Variants in SMURF2 observed in about 807,000 individuals in gnomAD.
The protein encoded by SMURF2 is SMAD specific E3 ubiquitin protein ligase 2.
Under a neutral mutation model 109.6 loss-of-function variants are expected in SMURF2, and 48 were observed. The observed-to-expected ratio is 0.44, with a 90% CI of 0.35 to 0.56. The LOEUF is 0.56. SMURF2 is among the 20% of genes least tolerant of loss of function. The probability of loss-of-function intolerance (pLI) is 0.01; values close to 1 mark genes in which losing one functional copy is unlikely to be tolerated. For missense variants in SMURF2, 575 were observed against 909.0 expected (o/e 0.63, Z 4.72); for synonymous variants, 288 against 317.1 (o/e 0.91, Z 0.97).
chr17:64,617,550 G>A (rs569128237), intron 1 of SMURF2, among the ~76,000 whole-genome samples: 3 of 152,086 alleles, frequency 2.0e-5, no homozygotes, highest in South Asian at 2.1e-4. Context: ...GCGCAAACAC[G>A]ACTCACTGCA....
At chr17:64,601,194 T>C (rs1291868942) in intron 2 of SMURF2, among the ~76,000 whole-genome samples, 1 of 152,038 alleles carries the variant, frequency 6.6e-6, no homozygotes, top group Non-Finnish European at 1.5e-5. Flanking sequence ...AGGCCGAGGC[T>C]GCAGTGAGCC....
intron 10 of SMURF2, among the ~76,000 whole-genome samples, chr17:64,569,390 T>G (rs922698801): frequency 7.9e-5 from 12 of 151,716 alleles, no homozygotes; most frequent in African/African-American, 2.7e-4. Context: ...ATTAAAAACA[T>G]TTACTTGTAG....
chr17:64,648,058 TAAAAAAAAAAAAAAAAA>T (rs56131846), intron 1 of SMURF2, among the ~76,000 whole-genome samples: 18 of 17,690 alleles, frequency 1.0e-3, no homozygotes, highest in Admixed American at 5.5e-3. Flanking sequence ...CCCTATCTCT[TAAAAAAAAAAAAAAAAA>T]AAAAAAAAAA....
intron 9 of SMURF2, chr17:64,572,983 C>A (rs1969420037): frequency 6.6e-6 from 1 of 151,586 alleles, no homozygotes; most frequent in Non-Finnish European, 1.5e-5. Context: ...ATGATCAGGT[C>A]ATTTCCTGCC....
At chr17:64,638,067 T>TC (rs1215219725) in intron 1 of SMURF2, among the ~76,000 whole-genome samples, 1 of 137,574 alleles carries the variant, frequency 7.3e-6, no homozygotes, top group East Asian at 2.0e-4. Flanking sequence ...TTTTTCTTTT[T>TC]TTTTTTTTTT....
intron 1 of SMURF2, among the ~76,000 whole-genome samples, chr17:64,614,048 C>T (rs969639080): frequency 2.0e-5 from 3 of 151,812 alleles, no homozygotes; most frequent in Non-Finnish European, 4.4e-5. Flanking sequence ...AATCTATTGC[C>T]GCTGCTGATC....
chr17:64,580,470 T>A (rs187629574), intron 8 of SMURF2, among the ~76,000 whole-genome samples: 167 of 152,346 alleles, frequency 1.1e-3, no homozygotes, highest in African/African-American at 3.8e-3. Flanking sequence ...CCATCTTACC[T>A]TTCTATACAG....
intron 2 of SMURF2, among the ~76,000 whole-genome samples, chr17:64,603,790 A>G (rs1969932521): frequency 6.6e-6 from 1 of 152,168 alleles, no homozygotes; most frequent in Non-Finnish European, 1.5e-5. Flanking sequence ...CATGAGTTAA[A>G]AAAACTTTTC....
intron 9 of SMURF2, among the ~76,000 whole-genome samples, chr17:64,575,481 A>G (rs1555685991): frequency 1.3e-5 from 2 of 152,044 alleles, no homozygotes; most frequent in Non-Finnish European, 2.9e-5. Flanking sequence ...CTAACAGCTT[A>G]TATTGTCAAG....
chr17:64,647,679 T>TAAA (rs782754711), intron 1 of SMURF2, among the ~76,000 whole-genome samples: 23 of 121,638 alleles, frequency 1.9e-4, no homozygotes, highest in Admixed American at 1.1e-3. Context: ...AGACTCTGTC[T>TAAA]AAAAAAAAAA....
At chr17:64,646,450 C>G (rs1236027761) in intron 1 of SMURF2, among the ~76,000 whole-genome samples, 2 of 149,026 alleles carry the variant, frequency 1.3e-5, no homozygotes, top group Non-Finnish European at 1.5e-5. Context: ...GTGGCACCAT[C>G]TCGGCTCACT....
At chr17:64,566,952 C>A (rs1297478729) in intron 10 of SMURF2, among the ~76,000 whole-genome samples, 1 of 151,340 alleles carries the variant, frequency 6.6e-6, no homozygotes, top group African/African-American at 2.4e-5. Context: ...CTCACTACAC[C>A]CTCTACCTCC....
At chr17:64,594,807 A>T (rs1189272085) in intron 3 of SMURF2, among the ~76,000 whole-genome samples, 1 of 151,958 alleles carries the variant, frequency 6.6e-6, no homozygotes, top group Non-Finnish European at 1.5e-5. Context: ...ACCAACATGG[A>T]GAAACCCTGT....
At chr17:64,554,829 C>T in intron 15 of SMURF2, 27 bp downstream of exon 15, 1 of 1,604,410 alleles carries the variant, frequency 6.2e-7, no homozygotes, top group South Asian at 1.1e-5. Flanking sequence ...TTAAAAAATT[C>T]AGCCTTGAGA....
Position 64,661,912 on chromosome 17 carries a change from G to GCCC in SMURF2, c.-33_-32insGGG. ...GGCGGCGGGGGCGGCGGGGGCGGCGGGCGGCACGGGGGCGACGGCGAGGCG... is the reference window on the plus strand; with the variant it reads ...GGCGGCGGGGGCGGCGGGGGCGGCGGCCCGCGGCACGGGGGCGACGGCGAGGCG... On this transcript the variant is annotated 5_prime_UTR_variant, in exon 1 of 19. Coordinates refer to ENST00000262435, the MANE Select transcript of SMURF2 (RefSeq NM_022739.4). 8.5e-7 allele frequency: 1 copy of GCCC among 1,176,860 alleles called. No homozygotes were observed. Among genetic ancestry groups the GCCC allele is most frequent in the Non-Finnish European group, 1.0e-6 (1 of 952,842 alleles). The allele number at this position is 1,176,860 out of a possible 1,614,324, so 72.9% of individuals were successfully genotyped here.
intron 1 of SMURF2, among the ~76,000 whole-genome samples, chr17:64,642,833 C>T (rs1288192525): frequency 2.0e-5 from 3 of 151,968 alleles, no homozygotes; most frequent in East Asian, 3.9e-4. Context: ...CTTCCTCTGT[C>T]GCCCCAGTTG....
At chr17:64,603,628 A>G (rs373714552) in intron 2 of SMURF2, among the ~76,000 whole-genome samples, 1 of 151,714 alleles carries the variant, frequency 6.6e-6, no homozygotes, top group African/African-American at 2.4e-5. Context: ...TAAATATGTG[A>G]TAAAGTTAAT....
At chr17:64,608,606 G>T (rs781944991) in intron 1 of SMURF2, among the ~76,000 whole-genome samples, 3 of 152,258 alleles carry the variant, frequency 2.0e-5, no homozygotes, top group East Asian at 1.9e-4. Context: ...AGGTAATGAT[G>T]ATTTTTTTAA....
At chr17:64,548,023 T>G (rs1598265525) in intron 16 of SMURF2, among the ~76,000 whole-genome samples, 1 of 152,124 alleles carries the variant, frequency 6.6e-6, no homozygotes, top group East Asian at 1.9e-4. Context: ...ATCTATATTT[T>G]AAAAAGCTCC....
Sources: allele counts gnomAD v4.1 joint callset (sites outside exome capture counted in the v4.1 genomes callset), GRCh38; gene constraint gnomAD v4.1.1; transcripts MANE v1.5; gene names NCBI Gene and HGNC (gene_info 2026-07-23, HGNC 2026-07-21).